The following CACNA1S variants were observed in gnomAD, a reference collection of about 807,000 sequenced individuals.
CACNA1S encodes voltage-dependent L-type calcium channel subunit alpha-1S.
CACNA1S carries 126 observed loss-of-function variants against 207.4 expected under a neutral mutation model. The ratio of observed to expected loss-of-function variants is 0.61; its 90% confidence interval spans 0.53 to 0.70. The LOEUF (loss-of-function observed/expected upper bound fraction) is 0.70. Among genes scored for constraint, CACNA1S ranks in the 30% least tolerant of loss-of-function variants. The pLI is 0.00. For synonymous variants in CACNA1S, 960 were observed against 932.7 expected, an observed-to-expected ratio of 1.03 and a Z score of -0.53; for missense variants, 2,349 against 2,422.8, an observed-to-expected ratio of 0.97 and a Z score of 0.64.
chr1:201,091,398 A>AGGG (rs138165996), intron 5 of CACNA1S, among the ~76,000 whole-genome samples: 18 of 152,190 alleles, frequency 1.2e-4, no homozygotes, highest in Admixed American at 4.6e-4. Context: ...TATGTGGGGC[A>AGGG]GGGGGGTGAC....
chr1:201,092,413 C>A (rs767055796), intron 3 of CACNA1S, among the ~76,000 whole-genome samples: 2 of 152,084 alleles, frequency 1.3e-5, no homozygotes, highest in Non-Finnish European at 2.9e-5. Context: ...CAGTCCCTGG[C>A]CCTGGGGCTG....
intron 18 of CACNA1S, 62 bp downstream of exon 18, chr1:201,069,410 G>T: frequency 6.3e-7 from 1 of 1,595,922 alleles, no homozygotes; most frequent in Non-Finnish European, 8.5e-7. Flanking sequence ...TGAACCCTGG[G>T]CACCAGACTG....
intron 1 of CACNA1S, 64 bp from the exon 2 acceptor site, chr1:201,110,333 G>A: frequency 7.4e-7 from 1 of 1,355,778 alleles, no homozygotes; most frequent in Non-Finnish European, 1.1e-6. Context: ...AAGGGGATGA[G>A]GGCGCTGAGG....
At chr1:201,085,183 A>C (rs1173073112) in intron 8 of CACNA1S, 152 bp from the exon 9 acceptor site, 1 of 752,794 alleles carries the variant, frequency 1.3e-6, no homozygotes, top group Non-Finnish European at 2.3e-6. Context: ...CTTTCCAGAG[A>C]CTGAGAGTTC....
chr1:201,071,324 G>A (rs187947289), intron 16 of CACNA1S, among the ~76,000 whole-genome samples: 2 of 152,158 alleles, frequency 1.3e-5, no homozygotes, highest in South Asian at 4.2e-4. Context: ...CCCCCGAGAA[G>A]CTAGAACTCT....
intron 19 of CACNA1S, among the ~76,000 whole-genome samples, chr1:201,068,355 G>C (rs764985417): frequency 2.8e-4 from 39 of 141,536 alleles, no homozygotes; most frequent in Non-Finnish European, 4.8e-4. Context: ...CAATTCTCCT[G>C]CCTCAGCCTC....
At chr1:201,052,734 C>T in intron 31 of CACNA1S, 86 bp from the exon 32 acceptor site, 3 of 1,095,940 alleles carry the variant, frequency 2.7e-6, no homozygotes, top group Non-Finnish European at 4.2e-6. Flanking sequence ...CTGCCTGACC[C>T]CTACCTTCGC....
intron 9 of CACNA1S, among the ~76,000 whole-genome samples, chr1:201,083,868 C>A (rs1661931425): frequency 6.6e-6 from 1 of 152,192 alleles, no homozygotes. Flanking sequence ...ACCCTCCCAC[C>A]TCAGACTTCC....
rs770344697 is a variant in CACNA1S, at chr1:201,061,150, C to T, written c.3255+117G>A. ...GTGCATGGAGGCTAGGGCTTGGCAT[C>T]AAATGCAGGTTCTGGGGTCACCCTT... On this transcript the variant is annotated intron_variant, in intron 25 of 43. Coordinates refer to ENST00000362061, the MANE Select transcript of CACNA1S (RefSeq NM_000069.3). 175 of 884,644 alleles carry T rather than the reference C, an allele frequency of 2.0e-4. 2 individuals carry two copies. Among genetic ancestry groups the T allele is most frequent in the Middle Eastern group, 1.8e-3 (6 of 3,300 alleles). The allele number at this position is 884,644 out of a possible 1,614,324, so 54.8% of individuals were successfully genotyped here.
chr1:201,041,464 G>A, intron 41 of CACNA1S, 40 bp downstream of exon 41: 1 of 1,506,114 alleles, frequency 6.6e-7, no homozygotes, highest in Non-Finnish European at 9.2e-7. Context: ...ACTCCTCTGG[G>A]AGAAGACTCA....
Position 201,066,168 on chromosome 1 carries a change from G to T in CACNA1S, c.2745+61C>A. On this transcript the variant is annotated intron_variant, in intron 21 of 43. Transcript: ENST00000362061. The surrounding 1 kb of genome is among the most constrained non-coding windows in gnomAD (Gnocchi z 4.3). ...ATGGCTGGGCTGAGGTTTCTGGAGC[G>T]AGGAGGCCCCTGTAACCCCTCCCAT... The T allele has an allele frequency of 1.3e-6, 2 of 1,490,436 alleles. No homozygotes were observed. Among genetic ancestry groups the T allele is most frequent in the Non-Finnish European group, 1.9e-6 (2 of 1,067,990 alleles). The allele number at this position is 1,490,436 out of a possible 1,614,324, so 92.3% of individuals were successfully genotyped here.
At chr1:201,096,975 C>A (rs1156453817) in intron 2 of CACNA1S, among the ~76,000 whole-genome samples, 1 of 152,188 alleles carries the variant, frequency 6.6e-6, no homozygotes, top group Non-Finnish European at 1.5e-5. Flanking sequence ...AACTCCTTCT[C>A]CTGATAAACC....
intron 28 of CACNA1S, among the ~76,000 whole-genome samples, chr1:201,055,107 C>T (rs1211684536): frequency 1.3e-5 from 2 of 152,174 alleles, no homozygotes; most frequent in African/African-American, 4.8e-5. Flanking sequence ...TCTCAGTATT[C>T]GGGCTCTTGA....
chr1:201,057,602 A>G (rs1660892434), intron 28 of CACNA1S, among the ~76,000 whole-genome samples: 1 of 152,162 alleles, frequency 6.6e-6, no homozygotes, highest in Non-Finnish European at 1.5e-5. Flanking sequence ...GAGTCTTCTA[A>G]CTGGGTCTCT....
At chr1:201,095,034 G>A (rs1053238182) in intron 2 of CACNA1S, among the ~76,000 whole-genome samples, 2 of 151,960 alleles carry the variant, frequency 1.3e-5, no homozygotes, top group Non-Finnish European at 2.9e-5. Flanking sequence ...CTGGCCTCCA[G>A]GCCTTCCCAG....
Position 201,065,943 on chromosome 1 carries a change from G to T in CACNA1S, c.2748C>A (p.His916Gln). 1.9e-6 allele frequency: 3 copies of T among 1,608,286 alleles called. No homozygotes were observed. Among genetic ancestry groups the T allele is most frequent in the Non-Finnish European group, 2.6e-6 (3 of 1,175,566 alleles). ...TGGCCACGAACATGCACTGCACCAC[G>T]TGCTGGGGACAGAGGGGCCAATGGG... ...RAINRAKGLKHVVQCMFVAIS... is the reference protein window; with the variant it reads ...RAINRAKGLKQVVQCMFVAIS... The change falls in exon 22 of 44, where the codon CAC becomes CAA. Residue 916 changes from histidine (H) to glutamine (Q), a missense_variant and splice_region_variant. His to Gln is a conservative substitution (Grantham distance 24). Transcript: ENST00000362061.
At position 201,048,567 on chromosome 1, in the gene CACNA1S, G is replaced by T. The variant is rs201295445; in HGVS notation, c.4441+15C>A. On this transcript the variant is annotated intron_variant, in intron 36 of 43. Coordinates refer to ENST00000362061, the MANE Select transcript of CACNA1S (RefSeq NM_000069.3). ...TGGGAGAAAGGAGGGGGCTCACATT[G>T]GAAGGCACTCTCACCTTCCGTCTTG... The T allele has an allele frequency of 3.8e-6, 6 of 1,593,884 alleles. No homozygotes were observed. The highest frequency in any genetic ancestry group is 5.2e-6 in the Non-Finnish European group (6 of 1,161,648).
At chr1:201,083,056 T>A (rs1219410267) in intron 10 of CACNA1S, 106 bp downstream of exon 10, 3 of 1,171,294 alleles carry the variant, frequency 2.6e-6, no homozygotes, top group Non-Finnish European at 3.8e-6. Flanking sequence ...ATGATGTCAA[T>A]ATCTAATTGA....
intron 3 of CACNA1S, 36 bp downstream of exon 3, chr1:201,093,846 G>A (rs1375867437): frequency 1.2e-6 from 2 of 1,612,592 alleles, no homozygotes; most frequent in Non-Finnish European, 1.7e-6. Context: ...CCTCAGCGAG[G>A]GTCTGACCTT....
Sources: allele counts gnomAD v4.1 joint callset (sites outside exome capture counted in the v4.1 genomes callset), GRCh38; gene constraint gnomAD v4.1.1; non-coding constraint Gnocchi (gnomAD v3.1); transcripts MANE v1.5; gene names NCBI Gene and HGNC (gene_info 2026-07-23, HGNC 2026-07-21).